Variants in LGSN observed in about 807,000 individuals in gnomAD.
LGSN encodes lengsin, lens protein with glutamine synthetase domain.
Under a neutral mutation model 19.5 loss-of-function variants are expected in LGSN, and 21 were observed. The ratio of observed to expected loss-of-function variants is 1.07; its 90% CI spans 0.76 to 1.55. The LOEUF is 1.55. Ranked by LOEUF, LGSN falls within the 40% of genes most tolerant of loss-of-function variation. LGSN has a pLI of 0.00. For missense variants in LGSN, 673 were observed against 608.5 expected (o/e 1.11, Z -1.12); for synonymous variants, 257 against 215.6 (o/e 1.19, Z -1.68).
chr6:63,441,188 A>G, the LGSN span: 113,948 of 232,182 alleles, frequency 0.49, 29,671 homozygotes, highest in East Asian at 0.54. Context: ...AGCCTGGGCA[A>G]CAAGAGTGAA....
the LGSN span, among the ~76,000 whole-genome samples, chr6:63,344,684 C>A: frequency 4.0e-5 from 6 of 151,754 alleles, 1 homozygote; most frequent in Admixed American, 3.9e-4. Context: ...GAGATTTAGA[C>A]AACTGGCTGA....
chr6:63,353,897 G>A, the LGSN span, among the ~76,000 whole-genome samples: 13 of 152,082 alleles, frequency 8.5e-5, no homozygotes, highest in Non-Finnish European at 4.4e-5. Context: ...ATTGGGAAAA[G>A]GGACACCGTC....
At chr6:63,403,120 C>A in the LGSN span, among the ~76,000 whole-genome samples, 1 of 143,744 alleles carries the variant, frequency 7.0e-6, no homozygotes, top group Non-Finnish European at 1.5e-5. Context: ...AGAGAGAGAA[C>A]AACATTCTAT....
intron 2 of LGSN, among the ~76,000 whole-genome samples, chr6:63,285,966 T>A (rs551487600): frequency 6.6e-6 from 1 of 152,324 alleles, no homozygotes; most frequent in African/African-American, 2.4e-5. Context: ...AGATCATTTA[T>A]CAGTTAGGAC....
chr6:63,414,448 T>A, the LGSN span, among the ~76,000 whole-genome samples: 1 of 152,214 alleles, frequency 6.6e-6, no homozygotes, highest in East Asian at 1.9e-4. Context: ...AGAGTAGATA[T>A]GTATTCTTTA....
At chr6:63,498,619 T>A in the LGSN span, among the ~76,000 whole-genome samples, 1 of 152,192 alleles carries the variant, frequency 6.6e-6, no homozygotes, top group African/African-American at 2.4e-5. Context: ...CCAAAACTTG[T>A]CATGTTATCA....
chr6:63,402,692 G>T, the LGSN span, among the ~76,000 whole-genome samples: 2 of 152,112 alleles, frequency 1.3e-5, no homozygotes, highest in Non-Finnish European at 1.5e-5. Flanking sequence ...AATTAGATGG[G>T]TGATGTGATG....
the LGSN span, among the ~76,000 whole-genome samples, chr6:63,412,530 G>GAAAGAAAGAA: frequency 1.9e-5 from 1 of 53,250 alleles, no homozygotes; most frequent in South Asian, 6.1e-4. Flanking sequence ...AAGAAAGAAG[G>GAAAGAAAGAA]AAAGAAAGAA....
chr6:63,326,452 C>A, the LGSN span, among the ~76,000 whole-genome samples: 1 of 152,230 alleles, frequency 6.6e-6, no homozygotes, highest in East Asian at 1.9e-4. Flanking sequence ...TGCACCTGCA[C>A]TCCTCAGCCC....
At chr6:63,416,934 C>CAT in the LGSN span, among the ~76,000 whole-genome samples, 3 of 98,080 alleles carry the variant, frequency 3.1e-5, no homozygotes, top group African/African-American at 1.9e-4. Context: ...TATGTATGTA[C>CAT]ACACACACAC....
At chr6:63,534,781 C>CTTTAGTAAAGAATTTCA in the LGSN span, among the ~76,000 whole-genome samples, 2 of 137,748 alleles carry the variant, frequency 1.5e-5, no homozygotes, top group African/African-American at 5.9e-5. Flanking sequence ...AATTTCTTTA[C>CTTTAGTAAAGAATTTCA]TAAAGAATTT....
the LGSN span, among the ~76,000 whole-genome samples, chr6:63,503,909 C>T: frequency 1.3e-5 from 2 of 151,716 alleles, no homozygotes; most frequent in African/African-American, 4.8e-5. Context: ...AGAGTGAGAC[C>T]CTGTCTCAAA....
the LGSN span, among the ~76,000 whole-genome samples, chr6:63,332,318 A>G: frequency 7.9e-5 from 12 of 152,174 alleles, no homozygotes; most frequent in Non-Finnish European, 1.5e-4. Context: ...ACCTCAGAGA[A>G]GAGAGGTGAG....
At chr6:63,486,820 T>TTA in the LGSN span, among the ~76,000 whole-genome samples, 1 of 146,170 alleles carries the variant, frequency 6.8e-6, no homozygotes, top group Non-Finnish European at 1.5e-5. Flanking sequence ...GTATGTTTAT[T>TTA]TTATTATTAT....
chr6:63,514,867 A>AT, the LGSN span, among the ~76,000 whole-genome samples: 12 of 149,806 alleles, frequency 8.0e-5, no homozygotes, highest in Non-Finnish European at 1.3e-4. Context: ...CACCAAGCTA[A>AT]TTTTTTTTTT....
At chr6:63,318,885 TA>T (rs1320160750) in intron 1 of LGSN, among the ~76,000 whole-genome samples, 2 of 152,224 alleles carry the variant, frequency 1.3e-5, no homozygotes, top group African/African-American at 2.4e-5. Flanking sequence ...TAATTACCTT[TA>T]CTTTCTTTCT....
At chr6:63,304,992 G>A (rs1165803833) in intron 1 of LGSN, among the ~76,000 whole-genome samples, 1 of 152,122 alleles carries the variant, frequency 6.6e-6, no homozygotes, top group Non-Finnish European at 1.5e-5. Flanking sequence ...GAAGAGAATT[G>A]TTAAACAAAA....
chr6:63,357,112 G>C, the LGSN span, among the ~76,000 whole-genome samples: 1 of 151,804 alleles, frequency 6.6e-6, no homozygotes, highest in Non-Finnish European at 1.5e-5. Flanking sequence ...ATAGTTTGCT[G>C]AGAATGCTGG....
the LGSN span, among the ~76,000 whole-genome samples, chr6:63,560,347 A>G: frequency 1.3e-4 from 19 of 151,124 alleles, no homozygotes; most frequent in Non-Finnish European, 2.7e-4. Context: ...TCAAAAAAAA[A>G]AAAAAAAAAA....
Sources: gnomAD v4.1 joint callset for allele counts (sites outside exome capture counted in the v4.1 genomes callset) on GRCh38, gnomAD v4.1.1 for gene constraint, MANE v1.5 for transcripts, NCBI Gene and HGNC (gene_info 2026-07-23, HGNC 2026-07-21) for gene names.